NPTX2: variants seen among roughly 807,000 people sequenced by gnomAD.
NPTX2 encodes neuronal pentraxin-2.
A neutral mutation model predicts 38.1 loss-of-function variants in NPTX2; 23 were observed. The observed-to-expected ratio is 0.60, with a 90% confidence interval of 0.43 to 0.85. NPTX2 has a LOEUF of 0.85. NPTX2 is among the 40% of genes least tolerant of loss of function. The pLI is 0.00. For synonymous variants in NPTX2, 291 were observed against 287.3 expected, an observed-to-expected ratio of 1.01 and a Z score of -0.13; for missense variants, 553 against 615.3, an observed-to-expected ratio of 0.90 and a Z score of 1.07.
intron 3 of NPTX2, among the ~76,000 whole-genome samples, chr7:98,626,753 C>T (rs984335526): frequency 6.7e-5 from 10 of 150,040 alleles, no homozygotes; most frequent in East Asian, 3.8e-4. Flanking sequence ...GCAGGGAGGA[C>T]GGGGCACACC....
chr7:98,617,882 C>G lies in NPTX2; in HGVS notation c.421C>G (p.Leu141Val). 1 of 1,553,142 alleles carries G rather than the reference C, an allele frequency of 6.4e-7. No individual in the cohort carries two copies. The highest frequency in any genetic ancestry group is 8.6e-7 in the Non-Finnish European group (1 of 1,157,504). ...LQTLKDRLES[L>V]EHQLRANVSN... Reference sequence around the variant, plus strand: ...GACCCTCAAGGACCGCCTGGAGAGCCTCGAGGTAGCGGCCCGCGGGGAGCG... The same window carrying G: ...GACCCTCAAGGACCGCCTGGAGAGCGTCGAGGTAGCGGCCCGCGGGGAGCG... The change falls in exon 1 of 5, where the codon CTC (leucine) becomes GTC (valine). Residue 141 changes from leucine (L) to valine (V), a missense_variant. Transcript: ENST00000265634.
At position 98,628,673 on chromosome 7, in the gene NPTX2, A is replaced by G. The variant is rs766404726; in HGVS notation, c.*44A>G. ...AGGAGGCCGGGATCAGGCTGTTGCC[A>G]TGGAAGTTCAGGGCCATAGACTGCC... On this transcript the variant is annotated 3_prime_UTR_variant, in exon 5 of 5. Transcript: ENST00000265634. 19 of 966,964 alleles carry G rather than the reference A, an allele frequency of 2.0e-5. No individual in the cohort carries two copies. The highest frequency in any genetic ancestry group is 2.8e-5 in the Non-Finnish European group (18 of 645,196). 59.9% of individuals were successfully genotyped at this position (966,964 alleles called of 1,614,324 possible). A position where few individuals can be genotyped will look rare whatever the true frequency, so the allele number is the denominator to read the frequency against.
intron 3 of NPTX2, among the ~76,000 whole-genome samples, chr7:98,626,133 C>T (rs549465816): frequency 1.5e-5 from 2 of 132,804 alleles, no homozygotes; most frequent in South Asian, 2.5e-4. Context: ...GGTGACAGAG[C>T]GATACCCTGT....
chr7:98,617,465 CTGGCGCTGCTGGCCGCCAGCG>C lies in NPTX2; in HGVS notation c.12_32del (p.Leu5_Leu11del). 1 of 1,118,832 alleles carries C rather than the reference CTGGCGCTGCTGGCCGCCAGCG, an allele frequency of 8.9e-7. No individual in the cohort carries two copies. 69.3% of individuals were successfully genotyped at this position (1,118,832 alleles called of 1,614,324 possible). ...TGAGCGCGGCAGCGGCGGCGGGATG[CTGGCGCTGCTGGCCGCCAGCG>C]TGGCGCTCGCCGTGGCCGCTGGGGC... is the stretch of plus-strand genomic sequence containing the variant. On this transcript the variant is annotated inframe_deletion, in exon 1 of 5. Transcript: ENST00000265634.
chr7:98,620,862 C>T (rs1791259795), intron 2 of NPTX2, among the ~76,000 whole-genome samples: 1 of 152,104 alleles, frequency 6.6e-6, no homozygotes, highest in Non-Finnish European at 1.5e-5. Flanking sequence ...CATGAGAGAC[C>T]TTGGTGGCTG....
In NPTX2 at chr7:98,617,302, G is replaced by C. The variant is rs1033056742; in HGVS notation, c.-160G>C. The C allele has an allele frequency of 1.6e-4, 45 of 279,760 alleles. No homozygotes were observed. Among genetic ancestry groups the C allele is most frequent in the African/African-American group, 9.4e-4 (42 of 44,792 alleles). The allele number at this position is 279,760 out of a possible 1,614,324, so 17.3% of individuals were successfully genotyped here. A position where few individuals can be genotyped will look rare whatever the true frequency, so the allele number is the denominator to read the frequency against. ...GGCAGGCCAGAGTGCCGAGCAGCGC[G>C]GTGGGTGCGGCTGTGAGACGGCAGG... On this transcript the variant is annotated 5_prime_UTR_variant, in exon 1 of 5. Transcript: ENST00000265634.
rs1341239625 is a variant in NPTX2, at chr7:98,617,543, G to A, written c.82G>A (p.Val28Met). The A allele has an allele frequency of 7.0e-7, 1 of 1,435,246 alleles. No homozygotes were observed. The highest frequency in any genetic ancestry group is 9.1e-7 in the Non-Finnish European group (1 of 1,097,658). 88.9% of individuals were successfully genotyped at this position (1,435,246 alleles called of 1,614,324 possible). Residue 28 changes from valine to methionine, a missense_variant, in exon 1 of 5, where the codon GTG becomes ATG. Transcript: ENST00000265634. Reference protein sequence around the residue: ...QDSPAPGSRFVCTALPPEAVH... With the variant: ...QDSPAPGSRFMCTALPPEAVH... ...CAGCCCGGCGCCCGGTAGCCGCTTC[G>A]TGTGCACGGCACTGCCCCCAGAGGC...
In NPTX2 at chr7:98,624,956, G is replaced by A. The variant is rs765191837; in HGVS notation, c.678G>A (p.Lys226=). The A allele has an allele frequency of 5.0e-6, 8 of 1,613,644 alleles. No homozygotes were observed. In the Admixed American group the frequency reaches 1.3e-4, roughly 27 times the overall value. ...CCTTTAAGTCACCAGATGCGTTCAA[G>A]GTGTCCCTCCCACTCCGCACAAACT... ...NSAFKSPDAF[K]VSLPLRTNYL... Residue 226 remains lysine (K), a synonymous_variant, in exon 3 of 5, where the codon AAG becomes AAA. Coordinates refer to ENST00000265634, the MANE Select transcript of NPTX2 (RefSeq NM_002523.3).
Position 98,628,490 on chromosome 7 carries a change from A to G in NPTX2, c.1157A>G (p.Gln386Arg), listed in dbSNP as rs759589393. 5 of 1,612,022 alleles carry G rather than the reference A, an allele frequency of 3.1e-6. No homozygotes were observed. Among genetic ancestry groups the G allele is most frequent in the Admixed American group, 1.7e-5 (1 of 59,888 alleles). Residue 386 changes from glutamine to arginine, a missense_variant, in exon 5 of 5, where the codon CAA (glutamine) becomes CGA (arginine). Coordinates refer to ENST00000265634, the MANE Select transcript of NPTX2 (RefSeq NM_002523.3). ...FNIWDRVLRA[Q>R]EIVNIANCST... ...ATATGGGACCGCGTCCTTCGCGCAC[A>G]AGAAATTGTCAACATCGCCAACTGC...
rs776156518 is a variant in NPTX2 at position 98,628,476 on chromosome 7, C to T, written c.1143C>T (p.Arg381=). The T allele has an allele frequency of 1.4e-5, 22 of 1,611,306 alleles. No homozygotes were observed. The highest frequency in any genetic ancestry group is 3.3e-4 in the Middle Eastern group (2 of 6,084). Residue 381 remains arginine, a synonymous_variant, in exon 5 of 5, where the codon CGC becomes CGT. Coordinates refer to ENST00000265634, the MANE Select transcript of NPTX2 (RefSeq NM_002523.3). ...TCAGCCAGTTCAACATATGGGACCGCGTCCTTCGCGCACAAGAAATTGTCA... is the reference window on the plus strand; with the variant it reads ...TCAGCCAGTTCAACATATGGGACCGTGTCCTTCGCGCACAAGAAATTGTCA... The part of the protein sequence containing the change: ...GELSQFNIWD[R]VLRAQEIVNI...
At chr7:98,617,998 C>T (rs1308605054) in intron 1 of NPTX2, 111 bp downstream of exon 1, 4 of 1,132,606 alleles carry the variant, frequency 3.5e-6, no homozygotes, top group African/African-American at 3.3e-5. Flanking sequence ...AGGGTGTGAT[C>T]GTCCGTGGGG....
intron 4 of NPTX2, among the ~76,000 whole-genome samples, chr7:98,628,093 T>G (rs1791383533): frequency 6.6e-6 from 1 of 152,140 alleles, no homozygotes; most frequent in Admixed American, 6.5e-5. Flanking sequence ...CACTCCTCCC[T>G]CAATTTCCCC....
Position 98,625,180 on chromosome 7 carries a change from G to A in NPTX2, c.888+14G>A. ...ATCAACGACAAGGTGAGGCCCGCCT[G>A]CACCGCCACCCTCCCCAGAACCCAT... On this transcript the variant is annotated intron_variant, in intron 3 of 4. Transcript: ENST00000265634. 1.9e-6 allele frequency: 3 copies of A among 1,570,880 alleles called. No homozygotes were observed. In the East Asian group the frequency reaches 6.8e-5, roughly 36 times the overall value.
At chr7:98,624,660 C>T (rs1791317862) in intron 2 of NPTX2, among the ~76,000 whole-genome samples, 1 of 152,174 alleles carries the variant, frequency 6.6e-6, no homozygotes, top group African/African-American at 2.4e-5. Context: ...CCTCGCGTAC[C>T]TGCTGCTGGT....
At chr7:98,627,432 A>T in intron 4 of NPTX2, 88 bp downstream of exon 4, 1 of 1,127,332 alleles carries the variant, frequency 8.9e-7, no homozygotes, top group Non-Finnish European at 1.3e-6. Context: ...TGGTGCGAGG[A>T]GGGGCCAACT....
intron 3 of NPTX2, among the ~76,000 whole-genome samples, chr7:98,625,911 C>T (rs145844948): frequency 4.5e-4 from 68 of 151,874 alleles, no homozygotes; most frequent in African/African-American, 1.5e-3. Context: ...GTTGGGAGGC[C>T]GAGGCAGGAG....
chr7:98,622,507 T>G (rs2115619540), intron 2 of NPTX2, among the ~76,000 whole-genome samples: 1 of 152,292 alleles, frequency 6.6e-6, no homozygotes, highest in African/African-American at 2.4e-5. Context: ...TAAGTGTGAG[T>G]GGCTAAGTGT....
In NPTX2 at chr7:98,629,613, A is replaced by C. The variant is rs1479815258; in HGVS notation, c.*984A>C. The C allele has an allele frequency of 6.6e-6, 1 of 152,564 alleles. No homozygotes were observed. The highest frequency in any genetic ancestry group is 1.5e-5 in the Non-Finnish European group (1 of 68,020). 9.5% of individuals were successfully genotyped at this position (152,564 alleles called of 1,614,324 possible). On this transcript the variant is annotated 3_prime_UTR_variant, in exon 5 of 5. Transcript: ENST00000265634. ...AGAACTCCTCAAGAAAACAGAGATC[A>C]TTTGGCTAGAGATTGTCTGAGTGAC...
intron 3 of NPTX2, among the ~76,000 whole-genome samples, chr7:98,626,932 TG>T (rs1791359893): frequency 6.6e-6 from 1 of 152,188 alleles, no homozygotes; most frequent in South Asian, 2.1e-4. Flanking sequence ...CCCTCACATC[TG>T]TTCGGTCCTC....
Sources: allele counts gnomAD v4.1 joint callset (sites outside exome capture counted in the v4.1 genomes callset), GRCh38; gene constraint gnomAD v4.1.1; transcripts MANE v1.5; gene names NCBI Gene and HGNC (gene_info 2026-07-23, HGNC 2026-07-21).